Variants in SLC5A4 observed in about 807,000 individuals in gnomAD.
SLC5A4 encodes the protein probable glucose sensor protein SLC5A4.
A neutral mutation model predicts 70.3 loss-of-function variants in SLC5A4; 55 were observed. The ratio of observed to expected loss-of-function variants is 0.78; its 90% CI spans 0.63 to 0.98. The LOEUF is 0.98. SLC5A4 is among the 50% of genes least tolerant of loss of function. The pLI, the probability that SLC5A4 is intolerant of heterozygous loss-of-function variation, is 0.00. For missense variants in SLC5A4, 735 were observed against 839.2 expected (o/e 0.88, Z 1.53); for synonymous variants, 268 against 305.7 (o/e 0.88, Z 1.29).
chr22:32,310,376 G>T, the SLC5A4 span, among the ~76,000 whole-genome samples: 3 of 152,190 alleles, frequency 2.0e-5, no homozygotes, highest in Non-Finnish European at 4.4e-5. Flanking sequence ...TGGCAGAGCT[G>T]ATGTCAGAAT....
At chr22:32,308,287 A>G in the SLC5A4 span, among the ~76,000 whole-genome samples, 1 of 150,486 alleles carries the variant, frequency 6.6e-6, no homozygotes, top group Non-Finnish European at 1.5e-5. Flanking sequence ...AAATTTTACA[A>G]GTCTGCACCT....
At chr22:32,343,764 C>A in the SLC5A4 span, among the ~76,000 whole-genome samples, 1 of 152,184 alleles carries the variant, frequency 6.6e-6, no homozygotes, top group Non-Finnish European at 1.5e-5. Flanking sequence ...TAGAAAAGCA[C>A]ATTTTAAGTC....
the SLC5A4 span, among the ~76,000 whole-genome samples, chr22:32,317,136 C>G: frequency 6.6e-6 from 1 of 151,970 alleles, no homozygotes; most frequent in Admixed American, 6.6e-5. Flanking sequence ...CCAAACCAAA[C>G]TTTGCCACCA....
rs897286857 is a variant in SLC5A4 at position 32,218,783 on chromosome 22, T to C, written c.1769-58A>G. Reference sequence around the variant, plus strand: ...ATCTAGATCACAAAGGAACTAGAAATCCTTGTCAGTGTAGTACCTATGACT... The same window carrying C: ...ATCTAGATCACAAAGGAACTAGAAACCCTTGTCAGTGTAGTACCTATGACT... On this transcript the variant is annotated intron_variant, in intron 14 of 14. Coordinates refer to ENST00000266086, the MANE Select transcript of SLC5A4 (RefSeq NM_014227.3). 3.7e-6 allele frequency: 5 copies of C among 1,335,658 alleles called. No individual in the cohort carries two copies. The African/African-American group carries it at 7.2e-5, about 19-fold the overall frequency. 82.7% of individuals were successfully genotyped at this position (1,335,658 alleles called of 1,614,324 possible).
At chr22:32,308,411 C>T in the SLC5A4 span, among the ~76,000 whole-genome samples, 1 of 152,198 alleles carries the variant, frequency 6.6e-6, no homozygotes, top group African/African-American at 2.4e-5. Flanking sequence ...TGTAAAGGGC[C>T]TGGCGCCACC....
At chr22:32,240,518 C>T (rs1926455624) in intron 5 of SLC5A4, among the ~76,000 whole-genome samples, 1 of 151,856 alleles carries the variant, frequency 6.6e-6, no homozygotes. Flanking sequence ...TCTTGTTTGC[C>T]AATGAGGATT....
the SLC5A4 span, among the ~76,000 whole-genome samples, chr22:32,306,701 C>T: frequency 6.6e-6 from 1 of 152,180 alleles, no homozygotes; most frequent in Non-Finnish European, 1.5e-5. Flanking sequence ...CTGGGGAGGA[C>T]ACATCACCCT....
the SLC5A4 span, among the ~76,000 whole-genome samples, chr22:32,279,576 A>T: frequency 3.9e-5 from 6 of 152,108 alleles, no homozygotes. Context: ...GGATCACCTG[A>T]GGTCAGGAGT....
At chr22:32,309,061 G>A in the SLC5A4 span, among the ~76,000 whole-genome samples, 10 of 152,154 alleles carry the variant, frequency 6.6e-5, no homozygotes, top group Non-Finnish European at 1.0e-4. Flanking sequence ...TTCAGCAATG[G>A]TTATGGTCAG....
the SLC5A4 span, among the ~76,000 whole-genome samples, chr22:32,325,622 C>G: frequency 6.6e-6 from 1 of 152,232 alleles, no homozygotes; most frequent in Non-Finnish European, 1.5e-5. Context: ...CATAGAAGAT[C>G]ATTCCTAATT....
At chr22:32,263,103 C>CCAGGCTGGA in the SLC5A4 span, among the ~76,000 whole-genome samples, 1 of 151,058 alleles carries the variant, frequency 6.6e-6, no homozygotes, top group East Asian at 1.9e-4. Context: ...CCACTGTCAA[C>CCAGGCTGGA]CAGGCTGGAG....
chr22:32,256,339 A>T (rs1431653368), upstream of SLC5A4, among the ~76,000 whole-genome samples: 1 of 152,170 alleles, frequency 6.6e-6, no homozygotes, highest in Non-Finnish European at 1.5e-5. Context: ...CAACAAAAAA[A>T]CAAAACCAAA....
chr22:32,323,780 C>T, the SLC5A4 span, among the ~76,000 whole-genome samples: 9 of 152,344 alleles, frequency 5.9e-5, no homozygotes, highest in Admixed American at 3.9e-4. Context: ...ACTTTTACAA[C>T]GCAGAGCCAA....
the SLC5A4 span, among the ~76,000 whole-genome samples, chr22:32,300,104 TTTTG>T: frequency 2.0e-3 from 304 of 151,598 alleles, 1 homozygote; most frequent in African/African-American, 6.5e-3. Context: ...ACTGCTGTCT[TTTTG>T]TTTGTCTGTG....
At chr22:32,248,950 G>A in intron 3 of SLC5A4, 148 bp from the exon 4 acceptor site, 2 of 592,170 alleles carry the variant, frequency 3.4e-6, no homozygotes, top group Non-Finnish European at 6.1e-6. Context: ...CAAGACAATT[G>A]TGAGTTCCTT....
the SLC5A4 span, among the ~76,000 whole-genome samples, chr22:32,299,568 CAA>C: frequency 9.7e-6 from 1 of 102,942 alleles, no homozygotes; most frequent in Non-Finnish European, 2.1e-5. Context: ...AAATTTTTTT[CAA>C]AGTTTTCAAC....
chr22:32,267,970 A>C, the SLC5A4 span, among the ~76,000 whole-genome samples: 2 of 152,230 alleles, frequency 1.3e-5, no homozygotes, highest in Non-Finnish European at 1.5e-5. Context: ...TAAAAATACA[A>C]AAAATTAGCC....
chr22:32,288,139 G>A, the SLC5A4 span, among the ~76,000 whole-genome samples: 4 of 151,772 alleles, frequency 2.6e-5, no homozygotes, highest in African/African-American at 7.3e-5. Context: ...CATGAGCCAC[G>A]GTGCCTAGCT....
the SLC5A4 span, among the ~76,000 whole-genome samples, chr22:32,335,666 G>A: frequency 6.6e-6 from 1 of 152,182 alleles, no homozygotes; most frequent in Non-Finnish European, 1.5e-5. Context: ...GCCCAGCCCA[G>A]GCGGCCCCAG....
Sources: gnomAD v4.1 joint callset for allele counts (sites outside exome capture counted in the v4.1 genomes callset) on GRCh38, gnomAD v4.1.1 for gene constraint, MANE v1.5 for transcripts, NCBI Gene and HGNC (gene_info 2026-07-23, HGNC 2026-07-21) for gene names.